Variants in SRSF9 observed in about 807,000 individuals in gnomAD.
The protein encoded by SRSF9 is serine and arginine rich splicing factor 9.
Under a neutral mutation model 25.9 loss-of-function variants are expected in SRSF9, and 3 were observed. That is an observed-to-expected ratio of 0.12 (90% CI 0.05 to 0.30). The LOEUF is 0.30. Ranked by LOEUF, SRSF9 falls within the 10% of genes least tolerant of loss-of-function variation. The pLI, the probability that SRSF9 is intolerant of heterozygous loss-of-function variation, is 1.00. For synonymous variants in SRSF9, 114 were observed against 113.2 expected (o/e 1.01, Z -0.05); for missense variants, 161 against 303.5 (o/e 0.53, Z 3.49).
At position 120,464,034 on chromosome 12, in the gene SRSF9, T is replaced by C. The variant is rs892520598; in HGVS notation, c.438A>G (p.Gly146=). The stretch of plus-strand genomic sequence containing the variant: ...TTCTGAGATACTCGACCATCCCCAC[T>C]CCATCCTTCTGCACATCAGCATAAC... The part of the protein sequence containing the change: ...DVCYADVQKD[G]VGMVEYLRKE... The change falls in exon 3 of 4, where the codon GGA becomes GGG. Residue 146 remains glycine, a synonymous_variant. Coordinates refer to ENST00000229390, the MANE Select transcript of SRSF9 (RefSeq NM_003769.3). 1 of 1,614,174 alleles carries C rather than the reference T, an allele frequency of 6.2e-7. No homozygotes were observed. Among genetic ancestry groups the C allele is most frequent in the African/African-American group, 1.3e-5 (1 of 75,046 alleles).
Position 120,464,020 on chromosome 12 carries a change from T to G in SRSF9, c.452A>C (p.Glu151Ala). ...TTCCATGTCTTCTTTTCTGAGATAC[T>G]CGACCATCCCCACTCCATCCTTCTG... ...DVQKDGVGMV[E>A]YLRKEDMEYA... The change falls in exon 3 of 4, where the codon GAG becomes GCG. Residue 151 changes from glutamate (E) to alanine (A), a missense_variant. Physicochemically the swap from Glu to Ala is moderately radical, Grantham distance 107. Transcript: ENST00000229390. 1 of 1,614,144 alleles carries G rather than the reference T, an allele frequency of 6.2e-7. No individual in the cohort carries two copies. Among genetic ancestry groups the G allele is most frequent in the Non-Finnish European group, 8.5e-7 (1 of 1,180,004 alleles).
intron 3 of SRSF9, chr12:120,463,300 G>T (rs1365085169): frequency 5.3e-5 from 8 of 152,326 alleles, no homozygotes; most frequent in Admixed American, 3.9e-4. Context: ...TGGCACAGTG[G>T]TGCATGCCTG....
intron 3 of SRSF9, chr12:120,462,451 A>C: frequency 3.9e-6 from 1 of 259,452 alleles, no homozygotes; most frequent in Non-Finnish European, 7.4e-6. Context: ...TAAACAATAT[A>C]TCTGAATTAC....
intron 3 of SRSF9, chr12:120,463,720 T>TA: frequency 2.2e-6 from 1 of 448,358 alleles, no homozygotes. Flanking sequence ...GTGATACTAA[T>TA]ATGCAGAATA....
rs150723424 is a variant in SRSF9 at position 120,464,055 on chromosome 12, A to G, written c.417T>C (p.Tyr139=). ...CCACTCCATCCTTCTGCACATCAGC[A>G]TAACAGACATCCCCAGCTTCTCGCA... The part of the protein sequence containing the change: ...DHMREAGDVC[Y]ADVQKDGVGM... Residue 139 remains tyrosine, a synonymous_variant, in exon 3 of 4, where the codon TAT becomes TAC. Transcript: ENST00000229390. The G allele has an allele frequency of 1.5e-5, 24 of 1,614,070 alleles. No individual in the cohort carries two copies. Among genetic ancestry groups the G allele is most frequent in the African/African-American group, 6.7e-5 (5 of 74,926 alleles).
intron 1 of SRSF9, among the ~76,000 whole-genome samples, chr12:120,468,315 C>T (rs1358681951): frequency 6.6e-6 from 1 of 151,964 alleles, no homozygotes; most frequent in African/African-American, 2.4e-5. Context: ...AAATACACAC[C>T]ATGGCACTTG....
intron 1 of SRSF9, among the ~76,000 whole-genome samples, 175 bp from the exon 2 acceptor site, chr12:120,465,962 A>G (rs1431152390): frequency 1.3e-5 from 2 of 152,210 alleles, no homozygotes; most frequent in Non-Finnish European, 2.9e-5. Flanking sequence ...GAGACGTTTC[A>G]TGATACTGGA....
At position 120,465,804 on chromosome 12, in the gene SRSF9, C is replaced by CA. The variant is rs776234894; in HGVS notation, c.189-18dup. On this transcript the variant is annotated splice_polypyrimidine_tract_variant and intron_variant, in intron 1 of 3. Transcript: ENST00000229390. ...TCTGCATCTCTAAAAAAAACAACAA[C>CA]AACAAAAAAAACGTTTGGAGTTAGT... is the stretch of plus-strand genomic sequence containing the variant. 2,192 of 1,519,070 alleles carry CA rather than the reference C, an allele frequency of 1.4e-3. 1 individual carries two copies. In the East Asian group the frequency reaches 0.015, roughly 11 times the overall value. 94.1% of individuals were successfully genotyped at this position (1,519,070 alleles called of 1,614,324 possible).
chr12:120,466,694 A>G (rs1232113995), intron 1 of SRSF9, among the ~76,000 whole-genome samples: 1 of 152,020 alleles, frequency 6.6e-6, no homozygotes, highest in Non-Finnish European at 1.5e-5. Flanking sequence ...GTACCACTGC[A>G]CCCAGCTAAT....
At chr12:120,463,359 G>C (rs993357340) in intron 3 of SRSF9, 1 of 151,988 alleles carries the variant, frequency 6.6e-6, no homozygotes, top group Non-Finnish European at 1.5e-5. Context: ...CTTGGGCCCA[G>C]GAGTTCAAGG....
Position 120,469,481 on chromosome 12 carries a change from G to C in SRSF9, c.129C>G (p.Ile43Met). ...LFYKYGRIRE[I>M]ELKNRHGLVP... The stretch of plus-strand genomic sequence containing the variant: ...CGAGGCCGTGCCGGTTCTTGAGCTC[G>C]ATCTCGCGGATGCGGCCGTACTTGT... The change falls in exon 1 of 4, where the codon ATC becomes ATG. Residue 43 changes from isoleucine (I) to methionine (M), a missense_variant. Ile to Met is a conservative substitution (Grantham distance 10). This residue lies in a region of SRSF9 where 99 missense variants were observed against 156.7 expected (regional missense o/e 0.63). Coordinates refer to ENST00000229390, the MANE Select transcript of SRSF9 (RefSeq NM_003769.3). 1.2e-6 allele frequency: 2 copies of C among 1,601,838 alleles called. No homozygotes were observed. Among genetic ancestry groups the C allele is most frequent in the Non-Finnish European group, 1.7e-6 (2 of 1,175,354 alleles).
At position 120,461,708 on chromosome 12, in the gene SRSF9, G is replaced by T. The variant is rs928172161; in HGVS notation, c.*311C>A. 3.4e-5 allele frequency: 7 copies of T among 203,970 alleles called. No individual in the cohort carries two copies. The highest frequency in any genetic ancestry group is 5.8e-5 in the Admixed American group (1 of 17,226). The allele number at this position is 203,970 out of a possible 1,614,324, so 12.6% of individuals were successfully genotyped here. On this transcript the variant is annotated 3_prime_UTR_variant, in exon 4 of 4. Transcript: ENST00000229390. ...TTAAAATATATTTCTAAACAGAATG[G>T]GCCGACTCAGTCACAGTAACTGTTG... is the stretch of plus-strand genomic sequence containing the variant.
chr12:120,464,899 G>C (rs1878449092), intron 2 of SRSF9: 2 of 152,150 alleles, frequency 1.3e-5, no homozygotes, highest in Admixed American at 6.6e-5. Flanking sequence ...TAGAGTTCTG[G>C]GGTTAAAAAA....
At chr12:120,462,376 A>G (rs962030371) in intron 3 of SRSF9, 2 of 461,412 alleles carry the variant, frequency 4.3e-6, no homozygotes, top group Non-Finnish European at 7.5e-6. Flanking sequence ...GACTTAAGTT[A>G]TATCATTTGC....
chr12:120,465,128 T>G (rs905531809), intron 2 of SRSF9: 1 of 152,294 alleles, frequency 6.6e-6, no homozygotes. Context: ...CAGTTTAGCA[T>G]TTCATCACTT....
intron 1 of SRSF9, among the ~76,000 whole-genome samples, chr12:120,467,390 A>AC (rs1334367992): frequency 3.9e-5 from 6 of 152,108 alleles, no homozygotes; most frequent in Non-Finnish European, 7.3e-5. Context: ...AATCCCAGCT[A>AC]CTCAGGAGGC....
intron 3 of SRSF9, 93 bp from the exon 4 acceptor site, chr12:120,462,255 T>A: frequency 7.2e-7 from 1 of 1,383,248 alleles, no homozygotes; most frequent in South Asian, 1.4e-5. Flanking sequence ...TAGTTAAGTA[T>A]TGAGCACTTA....
chr12:120,463,137 G>T (rs1008013767), intron 3 of SRSF9: 10 of 142,822 alleles, frequency 7.0e-5, no homozygotes, highest in Admixed American at 5.6e-4. Flanking sequence ...CAACTGGTCT[G>T]GTTTCTGGTC....
chr12:120,467,894 A>G, intron 1 of SRSF9, among the ~76,000 whole-genome samples: 1 of 144,560 alleles, frequency 6.9e-6, no homozygotes, highest in African/African-American at 2.6e-5. Context: ...TAGGAGTTCA[A>G]GACAAACCTG....
Sources: gnomAD v4.1 joint callset for allele counts (sites outside exome capture counted in the v4.1 genomes callset) on GRCh38, gnomAD v4.1.1 for gene constraint, gnomAD v4.1.1 regional missense constraint, MANE v1.5 for transcripts, NCBI Gene and HGNC (gene_info 2026-07-23, HGNC 2026-07-21) for gene names.